Variants in TAB2 observed in about 807,000 individuals in gnomAD.
TAB2 encodes the protein TGF-beta-activated kinase 1 and MAP3K7-binding protein 2.
A neutral mutation model predicts 65.0 loss-of-function variants in TAB2; 3 were observed. That is an observed-to-expected ratio of 0.05 (90% CI 0.02 to 0.12). TAB2 has a LOEUF of 0.12. TAB2 is among the 10% of genes least tolerant of loss of function. The probability of loss-of-function intolerance (pLI) is 1.00; values close to 1 mark genes in which losing one functional copy is unlikely to be tolerated. For synonymous variants in TAB2, 298 were observed against 285.1 expected (o/e 1.05, Z -0.46); for missense variants, 623 against 840.3 (o/e 0.74, Z 3.20).
intron 1 of TAB2, among the ~76,000 whole-genome samples, chr6:149,301,159 G>A (rs1338931293): frequency 6.6e-6 from 1 of 152,220 alleles, no homozygotes; most frequent in Non-Finnish European, 1.5e-5. Flanking sequence ...AGGGTGGTCA[G>A]CAACCACTGA....
intron 1 of TAB2, among the ~76,000 whole-genome samples, chr6:149,335,440 C>CA (rs1305138800): frequency 6.6e-6 from 1 of 152,106 alleles, no homozygotes; most frequent in East Asian, 1.9e-4. Context: ...AATCATAGCT[C>CA]ACTGCAGCCT....
At chr6:149,315,240 G>A (rs551350297), upstream of TAB2, among the ~76,000 whole-genome samples, 6 of 152,194 alleles carry the variant, frequency 3.9e-5, no homozygotes, top group South Asian at 6.2e-4. Context: ...ATAATTTCAC[G>A]CTTACCAAAA....
chr6:149,348,278 A>G (rs1183367788), intron 1 of TAB2, among the ~76,000 whole-genome samples: 1 of 152,118 alleles, frequency 6.6e-6, no homozygotes, highest in Non-Finnish European at 1.5e-5. Flanking sequence ...AGTCCCTGCT[A>G]CTAAGGAAGC....
At chr6:149,405,983 A>T (rs1782651664) in intron 6 of TAB2, among the ~76,000 whole-genome samples, 1 of 152,212 alleles carries the variant, frequency 6.6e-6, no homozygotes, top group African/African-American at 2.4e-5. Context: ...CACAGTATAT[A>T]CATAAATCAT....
intron 1 of TAB2, among the ~76,000 whole-genome samples, chr6:149,275,272 G>GAAAA: frequency 6.7e-6 from 1 of 149,072 alleles, no homozygotes; most frequent in Non-Finnish European, 1.5e-5. Flanking sequence ...AAGAAAGAAA[G>GAAAA]AAAGAAAGAA....
chr6:149,272,301 C>A (rs1220437904), intron 1 of TAB2, among the ~76,000 whole-genome samples: 1 of 152,262 alleles, frequency 6.6e-6, no homozygotes, highest in East Asian at 1.9e-4. Context: ...TTGGTTCTAA[C>A]AAATTAGCAC....
At chr6:149,363,836 G>A (rs936149169) in intron 1 of TAB2, among the ~76,000 whole-genome samples, 1 of 151,940 alleles carries the variant, frequency 6.6e-6, no homozygotes, top group African/African-American at 2.4e-5. Flanking sequence ...TCTCTATTTG[G>A]ATGTTTTACA....
chr6:149,402,486 T>A (rs1255181246), intron 6 of TAB2, among the ~76,000 whole-genome samples: 7 of 151,524 alleles, frequency 4.6e-5, no homozygotes, highest in African/African-American at 7.3e-5. Flanking sequence ...TTTAGAAATT[T>A]AAAAAAAAAT....
At chr6:149,297,619 G>T (rs1472622660) in intron 1 of TAB2, among the ~76,000 whole-genome samples, 1 of 152,082 alleles carries the variant, frequency 6.6e-6, no homozygotes, top group Non-Finnish European at 1.5e-5. Context: ...TGAACTCCTA[G>T]CCTCAAATGA....
At chr6:149,399,334 T>G in intron 6 of TAB2, 150 bp downstream of exon 6, 1 of 675,642 alleles carries the variant, frequency 1.5e-6, no homozygotes, top group East Asian at 2.7e-5. Context: ...CTTATTTTCA[T>G]TTACATGCTT....
At chr6:149,243,594 G>A (rs1285474486) in intron 1 of TAB2, 2 of 152,234 alleles carry the variant, frequency 1.3e-5, no homozygotes, top group Non-Finnish European at 2.9e-5. Flanking sequence ...AACAGGATGA[G>A]GATAGGCAGT....
At chr6:149,269,218 A>C (rs1778317406) in intron 1 of TAB2, among the ~76,000 whole-genome samples, 1 of 152,208 alleles carries the variant, frequency 6.6e-6, no homozygotes, top group Non-Finnish European at 1.5e-5. Context: ...AAAATGATAC[A>C]TCCTTTGAGT....
intron 1 of TAB2, among the ~76,000 whole-genome samples, chr6:149,348,651 C>T (rs1780383396): frequency 6.6e-6 from 1 of 150,894 alleles, no homozygotes; most frequent in Admixed American, 6.6e-5. Flanking sequence ...CACTTGGAAA[C>T]ATCACCTGTG....
chr6:149,238,534 A>T (rs1367553897), intron 1 of TAB2, among the ~76,000 whole-genome samples: 1 of 152,184 alleles, frequency 6.6e-6, no homozygotes, highest in African/African-American at 2.4e-5. Context: ...GAACAAGGAC[A>T]TTGGCCAGAC....
Position 149,267,651 on chromosome 6 carries a change from G to A in TAB2, c.-121+48875G>A, listed in dbSNP as rs552555249. Among the ~76,000 whole-genome samples, 6 of 152,184 alleles carry A rather than the reference G, an allele frequency of 3.9e-5. No individual in the cohort carries two copies. The East Asian group carries it at 5.8e-4, about 15-fold the overall frequency. On this transcript the variant is annotated intron_variant, in intron 1 of 1. Transcript: ENST00000606202. ...AACAGGGTTATGCTCCGAGAAATGC[G>A]TCGTTAGGTGATTTCATCGTTGTGC...
intron 1 of TAB2, among the ~76,000 whole-genome samples, chr6:149,274,970 C>T (rs1003559641): frequency 6.6e-6 from 1 of 152,136 alleles, no homozygotes; most frequent in Non-Finnish European, 1.5e-5. Flanking sequence ...GAGCATAGGG[C>T]TCCAAGTATG....
intron 1 of TAB2, among the ~76,000 whole-genome samples, chr6:149,361,665 G>GA (rs1022580340): frequency 6.6e-5 from 10 of 152,064 alleles, no homozygotes; most frequent in Non-Finnish European, 1.5e-4. Context: ...TTCCTCTCCC[G>GA]AAAAAGCCTT....
chr6:149,343,816 A>G (rs1345611283), intron 1 of TAB2, among the ~76,000 whole-genome samples: 3 of 152,202 alleles, frequency 2.0e-5, no homozygotes, highest in South Asian at 2.1e-4. Context: ...ACCAATATAT[A>G]TAGATGTAGA....
At chr6:149,382,457 G>A (rs112661908) in intron 3 of TAB2, among the ~76,000 whole-genome samples, 23 of 152,226 alleles carry the variant, frequency 1.5e-4, no homozygotes, top group African/African-American at 3.6e-4. Flanking sequence ...TTAGCGGGGC[G>A]TGGTGGCAGA....
Sources: gnomAD v4.1 joint callset for allele counts (sites outside exome capture counted in the v4.1 genomes callset) on GRCh38, gnomAD v4.1.1 for gene constraint, MANE v1.5 for transcripts, NCBI Gene and HGNC (gene_info 2026-07-23, HGNC 2026-07-21) for gene names.